Variants in MB observed in about 807,000 individuals in gnomAD.
The protein encoded by MB is nitrite reductase MB.
MB carries 10 observed loss-of-function variants against 14.5 expected under a neutral mutation model. The ratio of observed to expected loss-of-function variants is 0.69; its 90% CI spans 0.43 to 1.17. The LOEUF is 1.17. MB is among the 50% of genes most tolerant of loss of function. MB has a pLI of 0.00. For synonymous variants in MB, 89 were observed against 78.6 expected, an observed-to-expected ratio of 1.13 and a Z score of -0.70; for missense variants, 169 against 192.7, an observed-to-expected ratio of 0.88 and a Z score of 0.73.
chr22:35,614,458 T>A (rs923833171), intron 1 of MB, among the ~76,000 whole-genome samples: 7 of 147,750 alleles, frequency 4.7e-5, no homozygotes, highest in African/African-American at 1.8e-4. Flanking sequence ...CATGGTGGCA[T>A]GCACCTGTAA....
At chr22:35,607,965 A>G (rs1922286860) in intron 2 of MB, among the ~76,000 whole-genome samples, 1 of 152,130 alleles carries the variant, frequency 6.6e-6, no homozygotes, top group South Asian at 2.1e-4. Context: ...TAAAGACCCT[A>G]TTTTGGGGGC....
chr22:35,617,707 C>T (rs1422084470), upstream of MB: 1 of 167,224 alleles, frequency 6.0e-6, no homozygotes, highest in African/African-American at 2.4e-5. Context: ...AGCTTGGCCA[C>T]CAGGTGCCCC....
In MB at chr22:35,608,421, G is replaced by C. The variant is rs1922316547; in HGVS notation, c.319-978C>G. Among the ~76,000 whole-genome samples the C allele has an allele frequency of 6.6e-6, 1 of 152,228 alleles. No individual in the cohort carries two copies. Among genetic ancestry groups the C allele is most frequent in the African/African-American group, 2.4e-5 (1 of 41,456 alleles). On this transcript the variant is annotated intron_variant, in intron 2 of 2. Transcript: ENST00000397326. The surrounding 1 kb of genome is among the most constrained non-coding windows in gnomAD (Gnocchi z 4.3). ...GGAACGGAGGCAGTGGCTGAACCAA[G>C]GCTGGGTTTCTCGTTTTCTCAGGGC...
chr22:35,617,443 G>T (rs1039236708), upstream of MB: 11 of 596,972 alleles, frequency 1.8e-5, no homozygotes, highest in Non-Finnish European at 6.0e-6. Context: ...CTCTCATCCA[G>T]GGAGGGTCTA....
At chr22:35,617,407 C>T, upstream of MB, 1 of 611,410 alleles carries the variant, frequency 1.6e-6, no homozygotes, top group Non-Finnish European at 2.9e-6. Flanking sequence ...CGCTGTCCCC[C>T]TCCCCTGCCC....
chr22:35,610,598 G>A lies in MB; in HGVS notation c.318+286C>T, dbSNP rs572563728. 2.0e-5 allele frequency among the ~76,000 whole-genome samples: 3 copies of A among 152,266 alleles called. No homozygotes were observed. The East Asian group carries it at 5.8e-4, about 29-fold the overall frequency. ...TGATAATGGTACCTACCCATGGAGA[G>A]GATGCAAATTTTGCACCCAATATCC... On this transcript the variant is annotated intron_variant, in intron 2 of 2. Transcript: ENST00000397326.
At position 35,617,246 on chromosome 22, in the gene MB, G is replaced by A. The variant is rs758164217; in HGVS notation, c.12C>T (p.Ser4=). The A allele has an allele frequency of 2.5e-5, 41 of 1,613,834 alleles. No homozygotes were observed. Among genetic ancestry groups the A allele is most frequent in the East Asian group, 8.9e-5 (4 of 44,884 alleles). Residue 4 remains serine, a synonymous_variant, in exon 1 of 3, where the codon AGC becomes AGT. Coordinates refer to ENST00000397326, the MANE Select transcript of MB (RefSeq NM_005368.3). MGL[S]DGEWQLVLNV... The stretch of plus-strand genomic sequence containing the variant: ...TCAGCACCAACTGCCATTCCCCGTC[G>A]CTGAGCCCCATGGCGCAGTCTGAAG...
intron 1 of MB, 127 bp downstream of exon 1, chr22:35,617,036 A>G (rs1217855391): frequency 1.4e-6 from 1 of 697,442 alleles, no homozygotes; most frequent in East Asian, 2.6e-5. Flanking sequence ...AAAGCAAGTG[A>G]CCGTTCTAAC....
In MB at chr22:35,607,084, G is replaced by T; in HGVS notation, c.*213C>A. The stretch of plus-strand genomic sequence containing the variant: ...ACACAGTGAGCCAAGGGCCACTCCC[G>T]GTTCCCAGGGTGATGACATCCCACA... On this transcript the variant is annotated 3_prime_UTR_variant, in exon 3 of 3. Transcript: ENST00000397326. 2.0e-6 allele frequency: 1 copy of T among 500,280 alleles called. No homozygotes were observed. The highest frequency in any genetic ancestry group is 3.5e-6 in the Non-Finnish European group (1 of 282,302). The allele number at this position is 500,280 out of a possible 1,614,324, so 31.0% of individuals were successfully genotyped here.
Position 35,611,148 on chromosome 22 carries a change from G to T in MB, c.96-42C>A, listed in dbSNP as rs1193914568. 5 of 1,459,982 alleles carry T rather than the reference G, an allele frequency of 3.4e-6. No homozygotes were observed. The East Asian group carries it at 9.1e-5, about 26-fold the overall frequency. The allele number at this position is 1,459,982 out of a possible 1,614,324, so 90.4% of individuals were successfully genotyped here. On this transcript the variant is annotated intron_variant, in intron 1 of 2. Transcript: ENST00000397326. Reference sequence around the variant, plus strand: ...GGCTGGAGTCGGCATGGGAGGTGCGGTGTGAGGTCTGGGGGCAGCCAGACT... The same window carrying T: ...GGCTGGAGTCGGCATGGGAGGTGCGTTGTGAGGTCTGGGGGCAGCCAGACT...
At chr22:35,617,435 C>T, upstream of MB, 1 of 601,780 alleles carries the variant, frequency 1.7e-6, no homozygotes, top group Non-Finnish European at 3.0e-6. Flanking sequence ...CTTTCTCTCT[C>T]TCATCCAGGG....
intron 1 of MB, among the ~76,000 whole-genome samples, chr22:35,615,999 C>T (rs1217740285): frequency 3.3e-5 from 5 of 152,126 alleles, no homozygotes; most frequent in Non-Finnish European, 5.9e-5. Context: ...CCGAGGTAGA[C>T]GGAAGCTGGA....
intron 1 of MB, 160 bp downstream of exon 1, chr22:35,617,003 C>A (rs369230151): frequency 8.1e-6 from 5 of 619,908 alleles, no homozygotes; most frequent in Non-Finnish European, 1.5e-5. Context: ...TGAGTCCAAT[C>A]CCTGACACTT....
At chr22:35,611,777 C>G (rs761943757) in intron 1 of MB, among the ~76,000 whole-genome samples, 6 of 150,510 alleles carry the variant, frequency 4.0e-5, no homozygotes, top group Non-Finnish European at 8.8e-5. Flanking sequence ...TCTGCTGGGA[C>G]TCTGAGCAGC....
chr22:35,609,503 G>A (rs998824731), intron 2 of MB, among the ~76,000 whole-genome samples: 2 of 152,168 alleles, frequency 1.3e-5, no homozygotes, highest in African/African-American at 4.8e-5. Context: ...TGTGGGGTGG[G>A]GTGCAAAGGT....
chr22:35,607,189 TA>T lies in MB; in HGVS notation c.*107del. 1 of 1,347,964 alleles carries T rather than the reference TA, an allele frequency of 7.4e-7. No homozygotes were observed. The highest frequency in any genetic ancestry group is 1.0e-6 in the Non-Finnish European group (1 of 999,382). 83.5% of individuals were successfully genotyped at this position (1,347,964 alleles called of 1,614,324 possible). ...CTCAGCTCCTCCTGCCCACCTCTACTAAACAAAGCAGACACTCAGAAGCAAA... is the reference window on the plus strand; with the variant it reads ...CTCAGCTCCTCCTGCCCACCTCTACTAACAAAGCAGACACTCAGAAGCAAA... On this transcript the variant is annotated 3_prime_UTR_variant, in exon 3 of 3. Coordinates refer to ENST00000397326, the MANE Select transcript of MB (RefSeq NM_005368.3).
At position 35,607,231 on chromosome 22, in the gene MB, C is replaced by T. The variant is rs148909794; in HGVS notation, c.*66G>A. 1.0e-5 allele frequency: 16 copies of T among 1,536,218 alleles called. No homozygotes were observed. The highest frequency in any genetic ancestry group is 1.4e-5 in the African/African-American group (1 of 72,766). On this transcript the variant is annotated 3_prime_UTR_variant, in exon 3 of 3. Coordinates refer to ENST00000397326, the MANE Select transcript of MB (RefSeq NM_005368.3). ...CAGAAGCAAACTCTATATGGCTACA[C>T]GAGATCAGACCCCGCTCTCTCTTGA...
At chr22:35,609,502 G>T (rs1922417260) in intron 2 of MB, among the ~76,000 whole-genome samples, 1 of 152,176 alleles carries the variant, frequency 6.6e-6, no homozygotes. Context: ...TTGTGGGGTG[G>T]GGTGCAAAGG....
intron 2 of MB, among the ~76,000 whole-genome samples, chr22:35,610,134 A>C (rs1056366306): frequency 1.3e-5 from 2 of 152,040 alleles, no homozygotes; most frequent in African/African-American, 4.8e-5. Context: ...CGGGGGATGC[A>C]CCTGTCCCTG....
Sources: gnomAD v4.1 joint callset for allele counts (sites outside exome capture counted in the v4.1 genomes callset) on GRCh38, gnomAD v4.1.1 for gene constraint, Gnocchi (gnomAD v3.1) non-coding constraint, MANE v1.5 for transcripts, NCBI Gene and HGNC (gene_info 2026-07-23, HGNC 2026-07-21) for gene names.